The following ATXN1 variants were observed in gnomAD, a reference collection of about 807,000 sequenced individuals.
The protein encoded by ATXN1 is ataxin 1, also known as ataxin-1.
Under a neutral mutation model 56.4 loss-of-function variants are expected in ATXN1, and 8 were observed. The observed-to-expected ratio is 0.14, with a 90% CI of 0.08 to 0.26. The LOEUF (loss-of-function observed/expected upper bound fraction) is 0.26, where lower values mean the gene tolerates loss of function less well. Ranked by LOEUF, ATXN1 falls within the 10% of genes least tolerant of loss-of-function variation. The pLI is 1.00. For missense variants in ATXN1, 987 were observed against 1,106.5 expected (o/e 0.89, Z 1.53); for synonymous variants, 514 against 494.6 (o/e 1.04, Z -0.52).
At chr6:16,603,233 GCC>G (rs1762943801) in intron 3 of ATXN1, among the ~76,000 whole-genome samples, 1 of 152,164 alleles carries the variant, frequency 6.6e-6, no homozygotes, top group African/African-American at 2.4e-5. Flanking sequence ...TCTGAGGTTA[GCC>G]CATTTCCCAG....
rs1430910372 is a variant in ATXN1 at position 16,327,785 on chromosome 6, C to T, written c.526G>A (p.Ala176Thr). 3.1e-6 allele frequency: 5 copies of T among 1,610,072 alleles called. No homozygotes were observed. The South Asian group carries it at 5.5e-5, about 18-fold the overall frequency. The change falls in exon 7 of 8, where the codon GCC becomes ACC. Residue 176 changes from alanine (A) to threonine (T), a missense_variant. Physicochemically the swap from Ala to Thr is moderately conservative, Grantham distance 58. Coordinates refer to ENST00000436367, the MANE Select transcript of ATXN1 (RefSeq NM_001128164.2). The stretch of plus-strand genomic sequence containing the variant: ...ATGTTGGCCAGCAGAGTGGAATAGG[C>T]CTCCAGCTGGGAGCGCTGGGATGGA... ...TTPSQRSQLEAYSTLLANMGS... is the reference protein window; with the variant it reads ...TTPSQRSQLETYSTLLANMGS...
At position 16,523,858 on chromosome 6, in the gene ATXN1, G is replaced by A. The variant is rs1488810224; in HGVS notation, c.-360-1170C>T. ...CTGAAAGAAAGGGAGATAAGGGAGC[G>A]ACGGCAACAGACTATTTAATCTACA... On this transcript the variant is annotated intron_variant, in intron 4 of 7. Coordinates refer to ENST00000436367, the MANE Select transcript of ATXN1 (RefSeq NM_001128164.2). Among the ~76,000 whole-genome samples the A allele has an allele frequency of 3.3e-5, 5 of 151,876 alleles. No individual in the cohort carries two copies. In the East Asian group the frequency reaches 9.7e-4, roughly 29 times the overall value.
At chr6:16,560,966 TAGG>T (rs1762105040) in intron 4 of ATXN1, among the ~76,000 whole-genome samples, 1 of 152,210 alleles carries the variant, frequency 6.6e-6, no homozygotes, top group Admixed American at 6.5e-5. Flanking sequence ...TCTTTGTTCA[TAGG>T]AGAACAAAAT....
chr6:16,662,377 G>T (rs546633071), intron 2 of ATXN1, among the ~76,000 whole-genome samples: 1 of 152,102 alleles, frequency 6.6e-6, no homozygotes, highest in East Asian at 1.9e-4. Context: ...TTGTTGCCCA[G>T]GCTGGAGTAC....
intron 4 of ATXN1, among the ~76,000 whole-genome samples, chr6:16,549,606 T>C (rs955129474): frequency 6.6e-6 from 1 of 151,994 alleles, no homozygotes; most frequent in Non-Finnish European, 1.5e-5. Context: ...CATTCAAGAA[T>C]AGGCATGCTG....
At chr6:16,678,628 T>G (rs1271260606) in intron 2 of ATXN1, among the ~76,000 whole-genome samples, 1 of 152,236 alleles carries the variant, frequency 6.6e-6, no homozygotes, top group Non-Finnish European at 1.5e-5. Flanking sequence ...ATTGGAATAT[T>G]CAGCATACTA....
At chr6:16,316,861 C>G (rs992550198) in intron 7 of ATXN1, among the ~76,000 whole-genome samples, 1 of 96,916 alleles carries the variant, frequency 1.0e-5, no homozygotes, top group African/African-American at 6.4e-5. Flanking sequence ...GAGAGACTGC[C>G]TGTCTTTTTT....
intron 4 of ATXN1, among the ~76,000 whole-genome samples, chr6:16,533,715 A>G (rs1409714807): frequency 6.6e-6 from 1 of 152,190 alleles, no homozygotes. Context: ...GTTATGAGTA[A>G]GAGAAGTCTT....
At chr6:16,651,360 T>C (rs900790269) in intron 3 of ATXN1, among the ~76,000 whole-genome samples, 1 of 152,086 alleles carries the variant, frequency 6.6e-6, no homozygotes, top group Non-Finnish European at 1.5e-5. Context: ...CTGACCAACA[T>C]GGTGAAACCC....
Position 16,606,388 on chromosome 6 carries a change from T to C in ATXN1, c.-488-20481A>G, listed in dbSNP as rs887056292. 1.0e-3 allele frequency among the ~76,000 whole-genome samples: 157 copies of C among 152,130 alleles called. 13 individuals carry two copies. Among genetic ancestry groups the C allele is most frequent in the Non-Finnish European group, 4.4e-5 (3 of 68,024 alleles). ...GACCAGGTCTAAGTTATTTCATGGA[T>C]ACTATGAAATCTAATGTTATCTTAA... On this transcript the variant is annotated intron_variant, in intron 3 of 7. Coordinates refer to ENST00000436367, the MANE Select transcript of ATXN1 (RefSeq NM_001128164.2).
chr6:16,571,331 T>A (rs960349382), intron 4 of ATXN1, among the ~76,000 whole-genome samples: 1 of 152,156 alleles, frequency 6.6e-6, no homozygotes, highest in Admixed American at 6.5e-5. Flanking sequence ...AGTCAATACA[T>A]TAGTTTAAAA....
At chr6:16,642,105 T>C (rs1763716173) in intron 3 of ATXN1, among the ~76,000 whole-genome samples, 4 of 152,304 alleles carry the variant, frequency 2.6e-5, no homozygotes, top group Non-Finnish European at 5.9e-5. Flanking sequence ...AGTGGTTTCA[T>C]GGCCGGGCAC....
At chr6:16,390,055 T>C (rs1163202263) in intron 6 of ATXN1, among the ~76,000 whole-genome samples, 1 of 152,194 alleles carries the variant, frequency 6.6e-6, no homozygotes, top group African/African-American at 2.4e-5. Context: ...ATAAGGATAG[T>C]GAAGCTTGTT....
intron 2 of ATXN1, chr6:16,739,959 A>G (rs1414660345): frequency 4.5e-6 from 2 of 447,220 alleles, no homozygotes; most frequent in Non-Finnish European, 9.1e-6. Context: ...ATCACCAAGC[A>G]AAAGTCCCTG....
intron 6 of ATXN1, among the ~76,000 whole-genome samples, chr6:16,466,807 T>C (rs1760118222): frequency 6.6e-6 from 1 of 152,200 alleles, no homozygotes. Flanking sequence ...ATTTTTAATA[T>C]TACTAGTTTG....
chr6:16,667,669 C>G (rs1368087108), intron 2 of ATXN1: 1 of 152,202 alleles, frequency 6.6e-6, no homozygotes, highest in African/African-American at 2.4e-5. Flanking sequence ...AAATGCCAGT[C>G]ATCTCTAAGG....
At chr6:16,528,552 T>C (rs1761438413) in intron 4 of ATXN1, among the ~76,000 whole-genome samples, 2 of 152,232 alleles carry the variant, frequency 1.3e-5, no homozygotes, top group African/African-American at 4.8e-5. Context: ...GACTAACTTT[T>C]GGAAATGTTG....
intron 6 of ATXN1, among the ~76,000 whole-genome samples, chr6:16,337,229 T>C (rs1034286061): frequency 2.6e-5 from 4 of 152,264 alleles, no homozygotes; most frequent in Admixed American, 2.0e-4. Context: ...GCTTCTGCCA[T>C]TGCTATTCGT....
intron 3 of ATXN1, among the ~76,000 whole-genome samples, chr6:16,634,822 T>C (rs1763564918): frequency 1.3e-5 from 2 of 152,192 alleles, no homozygotes; most frequent in South Asian, 4.1e-4. Flanking sequence ...ACATATTTCA[T>C]GAGTGCAGAG....
Sources: gnomAD v4.1 joint callset for allele counts (sites outside exome capture counted in the v4.1 genomes callset) on GRCh38, gnomAD v4.1.1 for gene constraint, MANE v1.5 for transcripts, NCBI Gene and HGNC (gene_info 2026-07-23, HGNC 2026-07-21) for gene names.